IKBKB: variants seen among roughly 807,000 people sequenced by gnomAD.
IKBKB encodes the protein inhibitor of nuclear factor kappa-B kinase subunit beta.
A neutral mutation model predicts 113.6 loss-of-function variants in IKBKB; 42 were observed. That is an observed-to-expected ratio of 0.37 (90% CI 0.29 to 0.48). The LOEUF (loss-of-function observed/expected upper bound fraction) is 0.48. Among genes scored for constraint, IKBKB ranks in the 20% least tolerant of loss-of-function variants. The pLI, the probability that IKBKB is intolerant of heterozygous loss-of-function variation, is 0.99. For synonymous variants in IKBKB, 296 were observed against 361.3 expected (o/e 0.82, Z 2.05); for missense variants, 673 against 939.7 (o/e 0.72, Z 3.71).
chr8:42,286,680 T>C (rs1427953881), intron 2 of IKBKB, among the ~76,000 whole-genome samples: 1 of 152,226 alleles, frequency 6.6e-6, no homozygotes, highest in Non-Finnish European at 1.5e-5. Flanking sequence ...TTGCCCAGGC[T>C]GATCTGTGTG....
intron 5 of IKBKB, among the ~76,000 whole-genome samples, chr8:42,298,701 C>T (rs1814443641): frequency 6.6e-6 from 1 of 152,308 alleles, no homozygotes; most frequent in East Asian, 1.9e-4. Flanking sequence ...TTGGGCGAGG[C>T]ATGGAATGTC....
At chr8:42,305,143 A>G (rs1481826864) in intron 5 of IKBKB, 44 bp from the exon 6 acceptor site, 1 of 1,306,282 alleles carries the variant, frequency 7.7e-7, no homozygotes, top group Non-Finnish European at 1.1e-6. Flanking sequence ...TGTCATGAAA[A>G]GCATTTTTTA....
chr8:42,315,353 T>C (rs1818471106), intron 9 of IKBKB, among the ~76,000 whole-genome samples: 1 of 152,148 alleles, frequency 6.6e-6, no homozygotes, highest in African/African-American at 2.4e-5. Context: ...TAGAACTTTT[T>C]GGAAGGGTCT....
chr8:42,289,343 C>G (rs1812085659), intron 3 of IKBKB, among the ~76,000 whole-genome samples: 2 of 152,230 alleles, frequency 1.3e-5, no homozygotes, highest in African/African-American at 2.4e-5. Context: ...TGGGCCTTGT[C>G]AAGGGCTGTT....
chr8:42,290,509 A>G (rs1812394774), intron 4 of IKBKB, among the ~76,000 whole-genome samples: 1 of 151,740 alleles, frequency 6.6e-6, no homozygotes, highest in South Asian at 2.1e-4. Flanking sequence ...CGTGCTGCAC[A>G]CTCTGCTGGG....
chr8:42,328,475 C>G (rs150173403), intron 20 of IKBKB, among the ~76,000 whole-genome samples: 3 of 152,052 alleles, frequency 2.0e-5, no homozygotes, highest in Non-Finnish European at 4.4e-5. Context: ...GGCAGTCTTC[C>G]TTTATGTGGC....
intron 8 of IKBKB, among the ~76,000 whole-genome samples, chr8:42,310,478 T>C (rs913655749): frequency 6.6e-6 from 1 of 152,228 alleles, no homozygotes; most frequent in Non-Finnish European, 1.5e-5. Context: ...TTCCCCTCTT[T>C]TTTATCCCAA....
chr8:42,284,427 A>T (rs2130214554), intron 2 of IKBKB, among the ~76,000 whole-genome samples: 1 of 152,064 alleles, frequency 6.6e-6, no homozygotes, highest in African/African-American at 2.4e-5. Flanking sequence ...CTAAAAATAC[A>T]AAAAATTAGC....
At chr8:42,327,124 A>C (rs72641477) in intron 20 of IKBKB, among the ~76,000 whole-genome samples, 2,414 of 152,288 alleles carry the variant, frequency 0.016, 23 homozygotes, top group Middle Eastern at 0.065. Flanking sequence ...ATTATATCTC[A>C]ATACAGTCTG....
At chr8:42,271,520 C>G in intron 1 of IKBKB, 51 bp downstream of exon 1, 1 of 642,812 alleles carries the variant, frequency 1.6e-6, no homozygotes, top group South Asian at 2.0e-5. Flanking sequence ...GGCCCCGCCG[C>G]CCCGCTGCCT....
intron 5 of IKBKB, chr8:42,298,527 C>T (rs1461260968): frequency 4.2e-6 from 4 of 949,986 alleles, no homozygotes; most frequent in African/African-American, 3.5e-5. Flanking sequence ...TGACTGGTTC[C>T]ATTGCATGCA....
At chr8:42,290,117 G>A in intron 3 of IKBKB, 39 bp from the exon 4 acceptor site, 1 of 1,455,064 alleles carries the variant, frequency 6.9e-7, no homozygotes, top group South Asian at 1.1e-5. Flanking sequence ...GGTCTGGGCA[G>A]GAGCCTGGGT....
chr8:42,298,398 G>T (rs568986764), intron 5 of IKBKB: 1 of 985,382 alleles, frequency 1.0e-6, no homozygotes, highest in Non-Finnish European at 1.2e-6. Context: ...CTCCTAGCAG[G>T]CATCCAGGAC....
At chr8:42,272,321 A>T (rs964284480) in intron 2 of IKBKB, 116 bp downstream of exon 2, 1 of 1,402,706 alleles carries the variant, frequency 7.1e-7, no homozygotes, top group African/African-American at 1.4e-5. Flanking sequence ...TCATCTTGGG[A>T]CAGTGAATAG....
chr8:42,285,564 A>G (rs1309379860), intron 2 of IKBKB, among the ~76,000 whole-genome samples: 3 of 152,198 alleles, frequency 2.0e-5, no homozygotes, highest in Admixed American at 2.0e-4. Context: ...CTAAAAAGAA[A>G]AAATAGCAAC....
chr8:42,310,297 G>T (rs1006787957), intron 8 of IKBKB, among the ~76,000 whole-genome samples: 1 of 152,128 alleles, frequency 6.6e-6, no homozygotes, highest in African/African-American at 2.4e-5. Context: ...GAAGAATAAG[G>T]GAGTATGCAG....
chr8:42,325,647 C>T (rs1325674360), intron 19 of IKBKB: 11 of 1,069,170 alleles, frequency 1.0e-5, no homozygotes, highest in Non-Finnish European at 1.1e-5. Context: ...CATCGCACTT[C>T]AGCCCAGGCG....
intron 5 of IKBKB, among the ~76,000 whole-genome samples, chr8:42,302,182 C>T (rs1487443494): frequency 6.6e-6 from 1 of 152,150 alleles, no homozygotes; most frequent in Non-Finnish European, 1.5e-5. Flanking sequence ...ATTTTTTATA[C>T]TTCATTTAAT....
At chr8:42,311,950 G>C (rs1197021070) in intron 8 of IKBKB, among the ~76,000 whole-genome samples, 1 of 152,104 alleles carries the variant, frequency 6.6e-6, no homozygotes, top group Non-Finnish European at 1.5e-5. Context: ...GTAGTGGCGC[G>C]ATCGCGGCTC....
Sources: gnomAD v4.1 joint callset for allele counts (sites outside exome capture counted in the v4.1 genomes callset) on GRCh38, gnomAD v4.1.1 for gene constraint, MANE v1.5 for transcripts, NCBI Gene and HGNC (gene_info 2026-07-23, HGNC 2026-07-21) for gene names.